The following KCNN2 variants were observed in gnomAD, a reference collection of about 807,000 sequenced individuals.
KCNN2 encodes potassium calcium-activated channel subfamily N member 2.
A neutral mutation model predicts 55.5 loss-of-function variants in KCNN2; 24 were observed. The ratio of observed to expected loss-of-function variants is 0.43; its 90% confidence interval spans 0.31 to 0.61. KCNN2 has a LOEUF of 0.61. Among genes scored for constraint, KCNN2 ranks in the 20% least tolerant of loss-of-function variants. The pLI is 0.08. For missense variants in KCNN2, 754 were observed against 853.6 expected (o/e 0.88, Z 1.45); for synonymous variants, 431 against 336.1 (o/e 1.28, Z -3.09).
At chr5:114,211,688 A>G (rs566394128) in intron 1 of KCNN2, among the ~76,000 whole-genome samples, 2 of 152,222 alleles carry the variant, frequency 1.3e-5, no homozygotes, top group Admixed American at 6.5e-5. Flanking sequence ...AAACCTGTGC[A>G]TGTACCCTGT....
intron 2 of KCNN2, among the ~76,000 whole-genome samples, chr5:114,228,278 T>C (rs1754283499): frequency 6.6e-6 from 1 of 152,112 alleles, no homozygotes; most frequent in African/African-American, 2.4e-5. Context: ...TCTCATTTAC[T>C]TTTGAGGTTC....
chr5:114,310,054 T>C (rs1305108315), intron 2 of KCNN2, among the ~76,000 whole-genome samples: 1 of 152,238 alleles, frequency 6.6e-6, no homozygotes, highest in African/African-American at 2.4e-5. Flanking sequence ...GCCTCTTCTC[T>C]AGCACATACA....
intron 3 of KCNN2, among the ~76,000 whole-genome samples, chr5:114,422,519 G>T (rs935923243): frequency 5.9e-5 from 9 of 151,352 alleles, no homozygotes; most frequent in Admixed American, 5.2e-4. Context: ...AAGCCAGTCA[G>T]CTTATGGTAT....
At chr5:114,432,883 G>A (rs569069189) in intron 3 of KCNN2, among the ~76,000 whole-genome samples, 35 of 152,342 alleles carry the variant, frequency 2.3e-4, no homozygotes, top group African/African-American at 3.8e-4. Context: ...CCAGCGCTGC[G>A]CTTGATTTCT....
chr5:114,347,221 T>C (rs944060091), intron 2 of KCNN2, among the ~76,000 whole-genome samples: 2 of 152,160 alleles, frequency 1.3e-5, no homozygotes, highest in African/African-American at 4.8e-5. Context: ...TGGGTGAAAT[T>C]ATGATAATTA....
intron 1 of KCNN2, among the ~76,000 whole-genome samples, chr5:114,086,175 T>C (rs765388197): frequency 6.6e-6 from 1 of 152,154 alleles, no homozygotes; most frequent in Non-Finnish European, 1.5e-5. Context: ...TTAACAGGCA[T>C]TTCTTATAGA....
intron 1 of KCNN2, among the ~76,000 whole-genome samples, chr5:114,086,250 A>G (rs1160032309): frequency 1.3e-5 from 2 of 151,940 alleles, no homozygotes; most frequent in South Asian, 2.1e-4. Flanking sequence ...TGATTAGTCC[A>G]ATCTGTTTAT....
At chr5:114,101,874 A>G (rs562787612) in intron 1 of KCNN2, among the ~76,000 whole-genome samples, 1 of 152,198 alleles carries the variant, frequency 6.6e-6, no homozygotes, top group South Asian at 2.1e-4. Context: ...TGCTATTGTG[A>G]GTAGTGCTGC....
At chr5:114,162,496 G>C (rs1490939194) in intron 1 of KCNN2, among the ~76,000 whole-genome samples, 2 of 152,194 alleles carry the variant, frequency 1.3e-5, no homozygotes, top group African/African-American at 2.4e-5. Context: ...ATCTCAGGCT[G>C]TGTGCTGGGA....
chr5:114,101,871 G>T (rs1330953547), intron 1 of KCNN2, among the ~76,000 whole-genome samples: 1 of 152,118 alleles, frequency 6.6e-6, no homozygotes, highest in Non-Finnish European at 1.5e-5. Flanking sequence ...CTTTGCTATT[G>T]TGAGTAGTGC....
chr5:114,150,986 A>C (rs933289662), intron 1 of KCNN2, among the ~76,000 whole-genome samples: 4 of 152,102 alleles, frequency 2.6e-5, no homozygotes, highest in African/African-American at 9.7e-5. Flanking sequence ...GCGCCATTGC[A>C]CTCCAGCCTG....
At chr5:114,275,973 T>C (rs1755480150) in intron 2 of KCNN2, among the ~76,000 whole-genome samples, 1 of 152,222 alleles carries the variant, frequency 6.6e-6, no homozygotes, top group Non-Finnish European at 1.5e-5. Context: ...TTTAGTGCTA[T>C]AAATTTTCCT....
intron 4 of KCNN2, among the ~76,000 whole-genome samples, chr5:114,464,273 C>T (rs1761339905): frequency 6.6e-6 from 1 of 152,290 alleles, no homozygotes; most frequent in African/African-American, 2.4e-5. Flanking sequence ...GCACAGTTTT[C>T]AATGACCTAG....
intron 3 of KCNN2, among the ~76,000 whole-genome samples, chr5:114,459,526 G>C (rs373136279): frequency 3.3e-5 from 5 of 152,158 alleles, no homozygotes; most frequent in African/African-American, 1.2e-4. Context: ...ATATCATCCT[G>C]TGAAAAGTCT....
At chr5:114,337,289 G>T (rs907355858) in intron 2 of KCNN2, among the ~76,000 whole-genome samples, 1 of 152,180 alleles carries the variant, frequency 6.6e-6, no homozygotes, top group Admixed American at 6.5e-5. Context: ...GGTGGGTCAG[G>T]TCTAAGAGGG....
chr5:114,285,630 A>G (rs1355578245), intron 2 of KCNN2, among the ~76,000 whole-genome samples: 1 of 152,154 alleles, frequency 6.6e-6, no homozygotes, highest in Non-Finnish European at 1.5e-5. Flanking sequence ...TTATTCAATA[A>G]TTGCAGATTA....
At chr5:114,281,498 C>A (rs1755621841) in intron 2 of KCNN2, among the ~76,000 whole-genome samples, 1 of 151,814 alleles carries the variant, frequency 6.6e-6, no homozygotes. Flanking sequence ...TATATTAAGA[C>A]CTTGTAGAAT....
intron 2 of KCNN2, among the ~76,000 whole-genome samples, chr5:114,329,062 CCTT>C (rs1429538790): frequency 1.3e-5 from 2 of 152,110 alleles, no homozygotes; most frequent in East Asian, 1.9e-4. Context: ...TTGTGTGTCT[CCTT>C]CTTTATATTC....
chr5:114,344,045 A>G (rs1216423695), intron 2 of KCNN2, among the ~76,000 whole-genome samples: 8 of 152,192 alleles, frequency 5.3e-5, no homozygotes, highest in African/African-American at 1.7e-4. Flanking sequence ...ATTGTCTTCC[A>G]GTTTTCTCTT....
Sources: gnomAD v4.1 joint callset for allele counts (sites outside exome capture counted in the v4.1 genomes callset) on GRCh38, gnomAD v4.1.1 for gene constraint, MANE v1.5 for transcripts, NCBI Gene and HGNC (gene_info 2026-07-23, HGNC 2026-07-21) for gene names.